The following LARS1 variants were observed in gnomAD, a reference collection of about 807,000 sequenced individuals.
LARS1 encodes leucine--tRNA ligase, cytoplasmic.
A neutral mutation model predicts 162.8 loss-of-function variants in LARS1; 100 were observed. The observed-to-expected ratio is 0.61, with a 90% CI of 0.52 to 0.73. The LOEUF is 0.73. Ranked by LOEUF, LARS1 falls within the 30% of genes least tolerant of loss-of-function variation. The pLI is 0.00. For missense variants in LARS1, 1,258 were observed against 1,408.9 expected, an observed-to-expected ratio of 0.89 and a Z score of 1.71; for synonymous variants, 457 against 462.8, an observed-to-expected ratio of 0.99 and a Z score of 0.16.
chr5:146,135,748 C>T (rs2126446506), intron 21 of LARS1, 84 bp from the exon 22 acceptor site: 1 of 905,872 alleles, frequency 1.1e-6, no homozygotes, highest in East Asian at 2.9e-5. Context: ...CTAGGTTGGC[C>T]ATGACCAGAT....
intron 28 of LARS1, 93 bp from the exon 29 acceptor site, chr5:146,124,179 A>G: frequency 1.3e-6 from 1 of 796,462 alleles, no homozygotes; most frequent in East Asian, 2.5e-5. Context: ...CTCTCAACTG[A>G]TAAAATCTTC....
intron 5 of LARS1, 82 bp from the exon 6 acceptor site, chr5:146,164,553 ATTTTT>A: frequency 7.7e-7 from 1 of 1,292,320 alleles, no homozygotes; most frequent in Non-Finnish European, 1.1e-6. Flanking sequence ...AATGAATGTA[ATTTTT>A]TTACATTCTA....
intron 1 of LARS1, among the ~76,000 whole-genome samples, chr5:146,180,602 T>C (rs577753716): frequency 4.7e-4 from 71 of 152,364 alleles, no homozygotes; most frequent in African/African-American, 1.6e-3. Flanking sequence ...CTTAGAACTA[T>C]GTGTTTCTTT....
intron 15 of LARS1, 55 bp from the exon 16 acceptor site, chr5:146,144,764 C>A (rs1023221386): frequency 1.4e-6 from 2 of 1,456,494 alleles, no homozygotes; most frequent in African/African-American, 2.8e-5. Context: ...AATCTTCATT[C>A]CTCAAGGATA....
intron 22 of LARS1, among the ~76,000 whole-genome samples, 167 bp from the exon 23 acceptor site, chr5:146,133,248 A>T (rs762502456): frequency 3.9e-5 from 6 of 152,218 alleles, no homozygotes; most frequent in Non-Finnish European, 8.8e-5. Flanking sequence ...AAAAAGTAGC[A>T]TCCCTAACCG....
At chr5:146,151,775 T>C in intron 14 of LARS1, 87 bp downstream of exon 14, 2 of 1,205,898 alleles carry the variant, frequency 1.7e-6, no homozygotes, top group Admixed American at 2.0e-5. Flanking sequence ...GCTGAAACTA[T>C]GTTAAATTTT....
In LARS1 at chr5:146,159,405, A is replaced by C. The variant is rs79071028; in HGVS notation, c.771+2T>G. 6.2e-7 allele frequency: 1 copy of C among 1,605,356 alleles called. No homozygotes were observed. The highest frequency in any genetic ancestry group is 8.5e-7 in the Non-Finnish European group (1 of 1,172,546). On this transcript the variant is annotated splice_donor_variant, in intron 8 of 31. Coordinates refer to ENST00000394434, the MANE Select transcript of LARS1 (RefSeq NM_020117.11). LOFTEE classifies it high-confidence loss of function. ...TAGCTACTCTGTCTCACAAATAATC[A>C]CCTCTCCAGTTTGTCTATCATGATC... is the stretch of plus-strand genomic sequence containing the variant.
chr5:146,124,055 A>C lies in LARS1; in HGVS notation c.3023T>G (p.Leu1008Arg), dbSNP rs1751945316. The change falls in exon 29 of 32, where the codon CTG (leucine) becomes CGG (arginine). Residue 1008 changes from leucine (L) to arginine (R), a missense_variant. Coordinates refer to ENST00000394434, the MANE Select transcript of LARS1 (RefSeq NM_020117.11). ...TTCATCAAATTCTAATTGCAAATCC[A>C]GAATACGAGGCCCCATCTTCTCCAG... ...ENLEKMGPRI[L>R]DLQLEFDEKA... The C allele has an allele frequency of 3.1e-6, 5 of 1,610,050 alleles. No individual in the cohort carries two copies. The Admixed American group carries it at 8.4e-5, about 27-fold the overall frequency.
At position 146,113,628 on chromosome 5, in the gene LARS1, T is replaced by C. The variant is rs2126328444; in HGVS notation, c.*478A>G. On this transcript the variant is annotated 3_prime_UTR_variant, in exon 32 of 32. Transcript: ENST00000394434. ...TTGAAGTCAAGTCAAAATATTCTCA[T>C]TAGTTCTTTTAAATCATCATGAAGT... 6.5e-6 allele frequency: 1 copy of C among 153,430 alleles called. No homozygotes were observed. The highest frequency in any genetic ancestry group is 1.9e-4 in the East Asian group (1 of 5,200). 9.5% of individuals were successfully genotyped at this position (153,430 alleles called of 1,614,324 possible).
intron 2 of LARS1, among the ~76,000 whole-genome samples, chr5:146,176,900 T>C (rs1040252636): frequency 6.6e-6 from 1 of 152,154 alleles, no homozygotes; most frequent in African/African-American, 2.4e-5. Context: ...ATGAGTCTAA[T>C]AGAATAATTT....
chr5:146,124,367 T>G (rs1751958018), intron 28 of LARS1, among the ~76,000 whole-genome samples: 2 of 151,782 alleles, frequency 1.3e-5, no homozygotes. Flanking sequence ...TACGGTTTTA[T>G]GATTGTTTAT....
intron 10 of LARS1, among the ~76,000 whole-genome samples, chr5:146,155,641 T>TC (rs1753492220): frequency 6.6e-6 from 1 of 152,216 alleles, no homozygotes; most frequent in African/African-American, 2.4e-5. Flanking sequence ...TTCATATATG[T>TC]ACTTATAACC....
chr5:146,140,266 A>T lies in LARS1; in HGVS notation c.2091-5T>A. On this transcript the variant is annotated splice_region_variant and splice_polypyrimidine_tract_variant and intron_variant, in intron 20 of 31. Transcript: ENST00000394434. Reference sequence around the variant, plus strand: ...ACAGCTGTAGGCCATTTGTCACTTCACAGATAAATGTTTAAAGATAGAAAA... The same window carrying T: ...ACAGCTGTAGGCCATTTGTCACTTCTCAGATAAATGTTTAAAGATAGAAAA... 6.2e-7 allele frequency: 1 copy of T among 1,601,760 alleles called. No homozygotes were observed.
At chr5:146,164,513 C>T in intron 5 of LARS1, 42 bp from the exon 6 acceptor site, 1 of 1,584,890 alleles carries the variant, frequency 6.3e-7, no homozygotes, top group Non-Finnish European at 8.6e-7. Flanking sequence ...AAAGAATAAC[C>T]AACACTCCAG....
At chr5:146,128,585 C>A in intron 27 of LARS1, 87 bp downstream of exon 27, 1 of 778,888 alleles carries the variant, frequency 1.3e-6, no homozygotes, top group Non-Finnish European at 2.0e-6. Flanking sequence ...TCTTTCTTCT[C>A]CCAGACATTG....
chr5:146,158,937 A>C (rs1753650175), intron 8 of LARS1, among the ~76,000 whole-genome samples: 1 of 152,106 alleles, frequency 6.6e-6, no homozygotes, highest in Admixed American at 6.5e-5. Flanking sequence ...TCTACTAAAA[A>C]TACAAAAAAT....
rs541158127 is a variant in LARS1 at position 146,141,056 on chromosome 5, G to T, written c.2091-795C>A. On this transcript the variant is annotated intron_variant, in intron 20 of 31. Coordinates refer to ENST00000394434, the MANE Select transcript of LARS1 (RefSeq NM_020117.11). ...ATTTTGGGAAATAGAGTAGTGTGCA[G>T]GCAAGGATGAAAGTTCACTTTTAAC... Among the ~76,000 whole-genome samples the T allele has an allele frequency of 2.0e-5, 3 of 152,280 alleles. No homozygotes were observed. In the East Asian group the frequency reaches 5.8e-4, roughly 29 times the overall value.
intron 14 of LARS1, among the ~76,000 whole-genome samples, chr5:146,150,723 G>A (rs190463038): frequency 1.3e-5 from 2 of 151,658 alleles, no homozygotes; most frequent in African/African-American, 4.8e-5. Flanking sequence ...AGATCACTTG[G>A]GGTCAGGAGT....
At chr5:146,114,588 T>G (rs573930075) in intron 31 of LARS1, among the ~76,000 whole-genome samples, 1 of 151,482 alleles carries the variant, frequency 6.6e-6, no homozygotes, top group Admixed American at 6.6e-5. Context: ...ACAAAAAAAT[T>G]AGCTGGGCCT....
Sources: allele counts gnomAD v4.1 joint callset (sites outside exome capture counted in the v4.1 genomes callset), GRCh38; gene constraint gnomAD v4.1.1; transcripts MANE v1.5; gene names NCBI Gene and HGNC (gene_info 2026-07-23, HGNC 2026-07-21).